The following ANKDD1B variants were observed in gnomAD, a reference collection of about 807,000 sequenced individuals.
The protein encoded by ANKDD1B is ankyrin repeat and death domain containing 1B, also known as ankyrin repeat and death domain-containing protein 1B.
ANKDD1B carries 57 observed loss-of-function variants against 59.7 expected under a neutral mutation model. That is an observed-to-expected ratio of 0.95 (90% confidence interval 0.77 to 1.19). ANKDD1B has a LOEUF of 1.19. Among genes scored for constraint, ANKDD1B ranks in the 50% most tolerant of loss-of-function variants. ANKDD1B has a pLI of 0.00. For missense variants in ANKDD1B, 602 were observed against 641.9 expected, an observed-to-expected ratio of 0.94 and a Z score of 0.67; for synonymous variants, 216 against 239.5, an observed-to-expected ratio of 0.90 and a Z score of 0.91.
chr5:75,620,426 TGAGTA>T lies in ANKDD1B; in HGVS notation c.396+16_396+20del, dbSNP rs1561432087. 6.8e-7 allele frequency: 1 copy of T among 1,464,018 alleles called. No individual in the cohort carries two copies. The highest frequency in any genetic ancestry group is 2.0e-5 in the Admixed American group (1 of 50,096). The allele number at this position is 1,464,018 out of a possible 1,614,324, so 90.7% of individuals were successfully genotyped here. On this transcript the variant is annotated intron_variant, in intron 3 of 13. Transcript: ENST00000601380. ...TGTTGCTGATAAGGTAAGCTCATCT[TGAGTA>T]GAACAAGTTGGAGCATAACCAATGT...
intron 8 of ANKDD1B, among the ~76,000 whole-genome samples, chr5:75,655,097 C>T (rs546549282): frequency 1.1e-3 from 165 of 152,340 alleles, no homozygotes; most frequent in African/African-American, 3.4e-3. Flanking sequence ...CCTCTCATGT[C>T]TCCACAGGCC....
At chr5:75,661,250 AGCCGG>A (rs1561450124) in intron 10 of ANKDD1B, among the ~76,000 whole-genome samples, 1 of 151,640 alleles carries the variant, frequency 6.6e-6, no homozygotes, top group South Asian at 2.1e-4. Context: ...TACACAAATC[AGCCGG>A]GCATGGTGAT....
At chr5:75,658,006 G>A (rs935558533) in intron 9 of ANKDD1B, among the ~76,000 whole-genome samples, 4 of 151,288 alleles carry the variant, frequency 2.6e-5, no homozygotes, top group Admixed American at 2.6e-4. Flanking sequence ...GAGGCCAGGA[G>A]TTTGAAACCA....
intron 7 of ANKDD1B, among the ~76,000 whole-genome samples, chr5:75,642,294 G>A (rs575217823): frequency 1.3e-5 from 2 of 152,014 alleles, no homozygotes; most frequent in Non-Finnish European, 2.9e-5. Flanking sequence ...CAGCGTGAGC[G>A]ACGCAGAAGA....
chr5:75,623,340 C>G (rs551501461), intron 3 of ANKDD1B, among the ~76,000 whole-genome samples: 2 of 152,288 alleles, frequency 1.3e-5, no homozygotes, highest in East Asian at 3.9e-4. Flanking sequence ...GCTGGGATTA[C>G]AGGCAGGAGC....
chr5:75,641,948 G>A (rs1381476616), intron 7 of ANKDD1B, among the ~76,000 whole-genome samples: 2 of 152,154 alleles, frequency 1.3e-5, no homozygotes, highest in African/African-American at 2.4e-5. Flanking sequence ...TGGAATGAAA[G>A]GTAGGAGAAG....
At chr5:75,624,977 A>G (rs531595700) in intron 3 of ANKDD1B, among the ~76,000 whole-genome samples, 3 of 152,340 alleles carry the variant, frequency 2.0e-5, no homozygotes, top group African/African-American at 7.2e-5. Flanking sequence ...TAGTCTGACT[A>G]TTCCATAACT....
intron 8 of ANKDD1B, among the ~76,000 whole-genome samples, 178 bp downstream of exon 8, chr5:75,653,418 C>T (rs567182347): frequency 6.0e-4 from 91 of 152,170 alleles, no homozygotes; most frequent in African/African-American, 2.1e-3. Context: ...AAATAAAATC[C>T]GAGGGATGAA....
chr5:75,623,095 T>G (rs1773899189), intron 3 of ANKDD1B, among the ~76,000 whole-genome samples: 1 of 152,194 alleles, frequency 6.6e-6, no homozygotes, highest in Admixed American at 6.5e-5. Context: ...TTTTTCTTTT[T>G]GAGGTGGAGT....
intron 10 of ANKDD1B, among the ~76,000 whole-genome samples, chr5:75,659,857 T>C (rs1434412232): frequency 6.6e-6 from 1 of 152,206 alleles, no homozygotes; most frequent in East Asian, 1.9e-4. Context: ...CTATAACTAG[T>C]ATACTGTTCT....
intron 7 of ANKDD1B, among the ~76,000 whole-genome samples, chr5:75,649,717 C>G (rs755137833): frequency 4.6e-5 from 7 of 152,148 alleles, no homozygotes; most frequent in Non-Finnish European, 5.9e-5. Flanking sequence ...GTTGATCAGC[C>G]ATTAGAAAGT....
In ANKDD1B at chr5:75,639,984, G is replaced by A. The variant is rs1862311; in HGVS notation, c.798+4102G>A. ...GATTAAAGTTATACTTGGTACAAAC[G>A]TACTTCTAATTTTGTATGTTTCATA... On this transcript the variant is annotated intron_variant, in intron 7 of 13. Coordinates refer to ENST00000601380, the MANE Select transcript of ANKDD1B (RefSeq NM_001276713.2). Among the ~76,000 whole-genome samples the A allele has an allele frequency of 3.1e-3, 470 of 151,818 alleles. 5 individuals are homozygous for A. Among genetic ancestry groups the A allele is most frequent in the African/African-American group, 0.011 (445 of 41,370 alleles).
chr5:75,661,881 TTTCTA>T (rs1224338282), intron 10 of ANKDD1B, among the ~76,000 whole-genome samples: 1 of 150,730 alleles, frequency 6.6e-6, no homozygotes, highest in African/African-American at 2.4e-5. Context: ...AAAAATATCT[TTTCTA>T]TTGGCTCCCA....
Position 75,665,971 on chromosome 5 carries a change from T to A in ANKDD1B, c.1192-821T>A, listed in dbSNP as rs34356. On this transcript the variant is annotated intron_variant, in intron 11 of 13. Coordinates refer to ENST00000601380, the MANE Select transcript of ANKDD1B (RefSeq NM_001276713.2). ...AGTCCCAGACTTCTTGGTGGGCCAC[T>A]TGTCCTGCATGTCCTTAACTGATCT... is the stretch of plus-strand genomic sequence containing the variant. Among the ~76,000 whole-genome samples, 3 of 152,054 alleles carry A rather than the reference T, an allele frequency of 2.0e-5. No individual in the cohort carries two copies. In the South Asian group the frequency reaches 6.2e-4, roughly 32 times the overall value.
intron 3 of ANKDD1B, among the ~76,000 whole-genome samples, chr5:75,623,542 C>T (rs756199620): frequency 2.6e-5 from 4 of 152,176 alleles, no homozygotes; most frequent in African/African-American, 4.8e-5. Flanking sequence ...GAAGAGTCTT[C>T]TTCATGCTGG....
intron 2 of ANKDD1B, among the ~76,000 whole-genome samples, chr5:75,620,039 A>G (rs998090926): frequency 6.6e-6 from 1 of 152,248 alleles, no homozygotes; most frequent in Non-Finnish European, 1.5e-5. Flanking sequence ...TTGCTACAAC[A>G]TAATGCTACA....
At chr5:75,623,517 A>G (rs962200807) in intron 3 of ANKDD1B, among the ~76,000 whole-genome samples, 2 of 152,342 alleles carry the variant, frequency 1.3e-5, no homozygotes, top group East Asian at 1.9e-4. Flanking sequence ...TCTTTGGAAC[A>G]AAGAGTCCAG....
At chr5:75,644,325 C>G (rs1272617879) in intron 7 of ANKDD1B, among the ~76,000 whole-genome samples, 1 of 88,000 alleles carries the variant, frequency 1.1e-5, no homozygotes, top group East Asian at 2.7e-4. Flanking sequence ...GAGTCAAGAC[C>G]CATCAGTGTG....
chr5:75,636,613 A>C (rs927477163), intron 7 of ANKDD1B, among the ~76,000 whole-genome samples: 2 of 152,332 alleles, frequency 1.3e-5, no homozygotes, highest in Non-Finnish European at 2.9e-5. Context: ...TAACTGTCAC[A>C]GCTGTTTGAA....
Sources: allele counts gnomAD v4.1 joint callset (sites outside exome capture counted in the v4.1 genomes callset), GRCh38; gene constraint gnomAD v4.1.1; transcripts MANE v1.5; gene names NCBI Gene and HGNC (gene_info 2026-07-23, HGNC 2026-07-21).